Variants in PALLD observed in about 807,000 individuals in gnomAD.
PALLD encodes the protein palladin, cytoskeletal associated protein.
In PALLD, 61 loss-of-function variants were observed where a neutral mutation model predicts 123.5. The ratio of observed to expected loss-of-function variants is 0.49; its 90% CI spans 0.40 to 0.61. PALLD has a LOEUF of 0.61. PALLD is among the 20% of genes least tolerant of loss of function. PALLD has a pLI of 0.00. For synonymous variants in PALLD, 465 were observed against 496.4 expected (o/e 0.94, Z 0.84); for missense variants, 1,273 against 1,377.0 (o/e 0.92, Z 1.20).
At chr4:168,595,979 A>G (rs4144994) in intron 2 of PALLD, among the ~76,000 whole-genome samples, 58,475 of 151,246 alleles carry the variant, frequency 0.39, 11,515 homozygotes, top group East Asian at 0.58. Flanking sequence ...CCAACTTTCA[A>G]TTATGACCAA....
intron 2 of PALLD, among the ~76,000 whole-genome samples, chr4:168,637,205 C>G (rs998798855): frequency 5.3e-5 from 8 of 152,000 alleles, no homozygotes; most frequent in African/African-American, 1.9e-4. Context: ...TTGCTTGTAT[C>G]GGAGGGGTTG....
At chr4:168,842,398 T>G (rs1012573535) in intron 10 of PALLD, among the ~76,000 whole-genome samples, 1 of 152,202 alleles carries the variant, frequency 6.6e-6, no homozygotes, top group Non-Finnish European at 1.5e-5. Context: ...ACACCTGATG[T>G]TTTCCTTGGC....
At chr4:168,504,362 A>G (rs968086241) in intron 1 of PALLD, among the ~76,000 whole-genome samples, 1 of 152,158 alleles carries the variant, frequency 6.6e-6, no homozygotes, top group Admixed American at 6.5e-5. Flanking sequence ...TTGGGAGGCT[A>G]AGGTGGGCAG....
chr4:168,818,842 T>C (rs1742326393), intron 10 of PALLD, among the ~76,000 whole-genome samples: 1 of 152,240 alleles, frequency 6.6e-6, no homozygotes, highest in Non-Finnish European at 1.5e-5. Context: ...AAAATGTTTA[T>C]GATAAATGAT....
intron 15 of PALLD, 132 bp downstream of exon 15, chr4:168,904,038 C>A: frequency 1.1e-6 from 1 of 890,310 alleles, no homozygotes; most frequent in Non-Finnish European, 1.8e-6. Context: ...CCAAATTCTA[C>A]ATCCATCTTG....
chr4:168,905,927 C>T (rs967572917), intron 15 of PALLD, among the ~76,000 whole-genome samples: 3 of 151,796 alleles, frequency 2.0e-5, no homozygotes, highest in East Asian at 1.9e-4. Flanking sequence ...AGCACCACCA[C>T]GCTCAGCTAA....
chr4:168,831,970 G>A lies in PALLD; in HGVS notation c.1965-58952G>A, dbSNP rs945949792. On this transcript the variant is annotated intron_variant, in intron 10 of 21. Transcript: ENST00000505667. ...GCCGCGTCCCAGAGCTGCGAGCCAC[G>A]CCTCCTCTCTCCCGCCCGCCGCGCC... 8.1e-6 allele frequency: 8 copies of A among 982,838 alleles called. No homozygotes were observed. In the African/African-American group the frequency reaches 1.4e-4, roughly 17 times the overall value. 60.9% of individuals were successfully genotyped at this position (982,838 alleles called of 1,614,324 possible).
At chr4:168,731,074 G>C (rs1405171940) in intron 10 of PALLD, among the ~76,000 whole-genome samples, 1 of 152,144 alleles carries the variant, frequency 6.6e-6, no homozygotes, top group African/African-American at 2.4e-5. Context: ...CCCACCTTCA[G>C]AGGAATCTAG....
intron 2 of PALLD, among the ~76,000 whole-genome samples, chr4:168,528,212 A>G (rs1764261211): frequency 6.6e-6 from 1 of 152,224 alleles, no homozygotes; most frequent in African/African-American, 2.4e-5. Flanking sequence ...ATACGGTGAC[A>G]CAAGCAATTC....
intron 2 of PALLD, among the ~76,000 whole-genome samples, chr4:168,560,682 C>G (rs1264041891): frequency 6.6e-6 from 1 of 152,128 alleles, no homozygotes; most frequent in Non-Finnish European, 1.5e-5. Context: ...GCTCATTAAC[C>G]CAGTCAGACA....
intron 8 of PALLD, among the ~76,000 whole-genome samples, chr4:168,703,789 A>C: frequency 7.0e-6 from 1 of 143,810 alleles, no homozygotes; most frequent in Non-Finnish European, 1.5e-5. Context: ...GTTTGAGTTC[A>C]TTGTAGATTC....
At position 168,532,516 on chromosome 4, in the gene PALLD, A is replaced by G. The variant is rs145126392; in HGVS notation, c.908+20104A>G. On this transcript the variant is annotated intron_variant, in intron 2 of 21. Coordinates refer to ENST00000505667, the MANE Select transcript of PALLD (RefSeq NM_001166108.2). ...AAACTTTAGGAGAGAAGATTTTTAA[A>G]TCCCAATTAACAAAATACACCATCA... Among the ~76,000 whole-genome samples, 135 of 126,038 alleles carry G rather than the reference A, an allele frequency of 1.1e-3. 4 individuals carry two copies. The East Asian group carries it at 0.024, about 22-fold the overall frequency. 82.7% of individuals were successfully genotyped at this position (126,038 alleles called of 152,430 possible).
rs778405573 is a variant in PALLD at position 168,690,666 on chromosome 4, G to A, written c.1399G>A (p.Ala467Thr). The change falls in exon 7 of 22, where the codon GCA becomes ACA. Residue 467 changes from alanine (A) to threonine (T), a missense_variant. By Grantham distance (58) the Ala-to-Thr change is moderately conservative (BLOSUM62 0). This residue lies in a region of PALLD where 944 missense variants were observed against 954.5 expected (regional missense o/e 0.99). Transcript: ENST00000505667. ...VVVLECRVRG[A>T]PPLQVQWFRQ... Reference sequence around the variant, plus strand: ...GGTTCTGGAGTGCCGGGTCCGTGGGGCACCCCCTCTGCAGGTCCAGTGGTT... The same window carrying A: ...GGTTCTGGAGTGCCGGGTCCGTGGGACACCCCCTCTGCAGGTCCAGTGGTT... 2 of 1,614,112 alleles carry A rather than the reference G, an allele frequency of 1.2e-6. No individual in the cohort carries two copies. Among genetic ancestry groups the A allele is most frequent in the Non-Finnish European group, 1.7e-6 (2 of 1,179,978 alleles).
intron 10 of PALLD, among the ~76,000 whole-genome samples, chr4:168,800,929 A>G (rs909473666): frequency 9.2e-5 from 14 of 152,226 alleles, no homozygotes; most frequent in African/African-American, 3.4e-4. Flanking sequence ...TTATTCAGCA[A>G]TTAAAATAAA....
chr4:168,684,672 G>C (rs1781860228), intron 5 of PALLD, among the ~76,000 whole-genome samples: 1 of 152,166 alleles, frequency 6.6e-6, no homozygotes, highest in Admixed American at 6.5e-5. Flanking sequence ...ACAGTGAAAA[G>C]TGAAACCCAG....
At chr4:168,606,086 C>T (rs1384514905) in intron 2 of PALLD, among the ~76,000 whole-genome samples, 1 of 152,062 alleles carries the variant, frequency 6.6e-6, no homozygotes, top group Non-Finnish European at 1.5e-5. Flanking sequence ...TGTGTCCTTG[C>T]CTGTAAAGTG....
chr4:168,512,276 C>T lies in PALLD; in HGVS notation c.772C>T (p.His258Tyr), dbSNP rs779264591. 9.9e-6 allele frequency: 16 copies of T among 1,614,180 alleles called. No homozygotes were observed. In the South Asian group the frequency reaches 1.6e-4, roughly 17 times the overall value. The change falls in exon 2 of 22, where the codon CAC becomes TAC. Residue 258 changes from histidine (H) to tyrosine (Y), a missense_variant. This residue lies in a region of PALLD where 944 missense variants were observed against 954.5 expected (regional missense o/e 0.99). Transcript: ENST00000505667. ...DLAVPHNRKS[H>Y]PQPHSALHFP... ...GGCAGTGCCACACAACCGCAAGTCT[C>T]ACCCACAGCCCCACAGCGCCCTCCA...
At chr4:168,568,959 T>G (rs2149601224) in intron 2 of PALLD, among the ~76,000 whole-genome samples, 1 of 152,088 alleles carries the variant, frequency 6.6e-6, no homozygotes, top group South Asian at 2.1e-4. Flanking sequence ...TAGATAGATG[T>G]GCCTTCCTGA....
intron 2 of PALLD, among the ~76,000 whole-genome samples, chr4:168,652,075 A>G (rs899546420): frequency 2.6e-5 from 4 of 152,300 alleles, no homozygotes; most frequent in African/African-American, 9.6e-5. Context: ...GTTGAGGGGC[A>G]GATGTCGCTT....
Sources: gnomAD v4.1 joint callset for allele counts (sites outside exome capture counted in the v4.1 genomes callset) on GRCh38, gnomAD v4.1.1 for gene constraint, gnomAD v4.1.1 regional missense constraint, MANE v1.5 for transcripts, NCBI Gene and HGNC (gene_info 2026-07-23, HGNC 2026-07-21) for gene names.